FSTL5: variants seen among roughly 807,000 people sequenced by gnomAD.
The protein encoded by FSTL5 is follistatin like 5.
Under a neutral mutation model 89.1 loss-of-function variants are expected in FSTL5, and 62 were observed. That is an observed-to-expected ratio of 0.70 (90% CI 0.57 to 0.86). FSTL5 has a LOEUF of 0.86. Among genes scored for constraint, FSTL5 ranks in the 40% least tolerant of loss-of-function variants. FSTL5 has a pLI of 0.00. For missense variants in FSTL5, 1,057 were observed against 1,001.6 expected (o/e 1.06, Z -0.75); for synonymous variants, 383 against 346.2 (o/e 1.11, Z -1.18).
intron 1 of FSTL5, among the ~76,000 whole-genome samples, chr4:162,145,692 A>C (rs1030639808): frequency 2.0e-5 from 3 of 152,146 alleles, no homozygotes; most frequent in African/African-American, 7.2e-5. Flanking sequence ...TACTGAACAA[A>C]CAAGTCACAT....
intron 3 of FSTL5, among the ~76,000 whole-genome samples, chr4:162,020,990 A>C (rs1260005730): frequency 6.6e-6 from 1 of 152,130 alleles, no homozygotes; most frequent in Non-Finnish European, 1.5e-5. Context: ...TCTTTAAATC[A>C]AATAGCAATT....
At chr4:161,762,397 T>C (rs1740839693) in intron 5 of FSTL5, among the ~76,000 whole-genome samples, 1 of 152,222 alleles carries the variant, frequency 6.6e-6, no homozygotes, top group African/African-American at 2.4e-5. Context: ...GCTCTGATAG[T>C]TCCTTGCACT....
At chr4:161,596,888 T>C (rs995368542) in intron 7 of FSTL5, among the ~76,000 whole-genome samples, 4 of 152,174 alleles carry the variant, frequency 2.6e-5, no homozygotes, top group Non-Finnish European at 5.9e-5. Flanking sequence ...TTTGTTTTTT[T>C]CTTGTAAATT....
chr4:161,921,331 T>C (rs568961408), intron 3 of FSTL5, among the ~76,000 whole-genome samples: 3 of 152,276 alleles, frequency 2.0e-5, no homozygotes, highest in Admixed American at 6.5e-5. Flanking sequence ...ATTTTCTTGT[T>C]ACTTATTTAG....
chr4:161,791,368 A>G (rs1446083807), intron 4 of FSTL5, among the ~76,000 whole-genome samples: 1 of 151,482 alleles, frequency 6.6e-6, no homozygotes, highest in Non-Finnish European at 1.5e-5. Flanking sequence ...ATTTGAGACA[A>G]TTAGTAATTT....
chr4:161,652,952 C>A (rs1296503847), intron 7 of FSTL5, among the ~76,000 whole-genome samples: 2 of 152,076 alleles, frequency 1.3e-5, no homozygotes, highest in African/African-American at 4.8e-5. Context: ...AGGGTATATA[C>A]ACTGACTCAC....
At chr4:162,123,093 A>G (rs929426832) in intron 1 of FSTL5, among the ~76,000 whole-genome samples, 1 of 152,184 alleles carries the variant, frequency 6.6e-6, no homozygotes, top group East Asian at 1.9e-4. Context: ...AATTTTGTCA[A>G]TGTCAGACAG....
chr4:161,462,637 T>C (rs191017024), intron 13 of FSTL5, among the ~76,000 whole-genome samples: 1 of 152,190 alleles, frequency 6.6e-6, no homozygotes, highest in African/African-American at 2.4e-5. Context: ...AGGGTTATTG[T>C]GAGTATTAGG....
intron 6 of FSTL5, among the ~76,000 whole-genome samples, chr4:161,720,016 C>T (rs1410195094): frequency 6.6e-6 from 1 of 151,920 alleles, no homozygotes; most frequent in African/African-American, 2.4e-5. Context: ...GGCTATTACA[C>T]CAAAACCATA....
intron 6 of FSTL5, among the ~76,000 whole-genome samples, chr4:161,695,517 C>T (rs1281330939): frequency 1.3e-5 from 2 of 150,320 alleles, no homozygotes; most frequent in East Asian, 2.0e-4. Flanking sequence ...ATCCACTTGT[C>T]GATTGATGGG....
intron 12 of FSTL5, among the ~76,000 whole-genome samples, chr4:161,482,259 T>C (rs1313642470): frequency 6.6e-6 from 1 of 151,978 alleles, no homozygotes; most frequent in Non-Finnish European, 1.5e-5. Flanking sequence ...GATCTTGCAG[T>C]GAGCCAAGAT....
intron 6 of FSTL5, among the ~76,000 whole-genome samples, chr4:161,695,477 TATC>T (rs919967841): frequency 3.3e-5 from 3 of 92,080 alleles, no homozygotes; most frequent in Admixed American, 1.2e-4. Flanking sequence ...TATAGACATA[TATC>T]ATATATATAT....
intron 3 of FSTL5, among the ~76,000 whole-genome samples, chr4:161,967,861 A>G (rs936886603): frequency 6.6e-6 from 1 of 152,076 alleles, no homozygotes; most frequent in Non-Finnish European, 1.5e-5. Flanking sequence ...TATCATAATT[A>G]AAGAAATGTC....
At chr4:161,610,760 C>A (rs1462373952) in intron 7 of FSTL5, among the ~76,000 whole-genome samples, 2 of 140,772 alleles carry the variant, frequency 1.4e-5, no homozygotes, top group Non-Finnish European at 3.1e-5. Flanking sequence ...TGTTAACATA[C>A]TTAAATAGAT....
chr4:161,952,131 A>G (rs1010676945), intron 3 of FSTL5, among the ~76,000 whole-genome samples: 2 of 152,088 alleles, frequency 1.3e-5, no homozygotes, highest in South Asian at 4.1e-4. Context: ...TAAGGGTTAT[A>G]AGAAGTCAAA....
At chr4:161,552,749 A>C (rs1732258800) in intron 8 of FSTL5, among the ~76,000 whole-genome samples, 1 of 151,776 alleles carries the variant, frequency 6.6e-6, no homozygotes, top group Admixed American at 6.6e-5. Context: ...TAACTCACAT[A>C]GAATTGAAGG....
In FSTL5 at chr4:162,124,424, C is replaced by T. The variant is rs544788000; in HGVS notation, c.-16-13012G>A. Among the ~76,000 whole-genome samples the T allele has an allele frequency of 4.6e-5, 7 of 152,262 alleles. No individual in the cohort carries two copies. The East Asian group carries it at 1.4e-3, about 30-fold the overall frequency. ...CAACTTTCTTTCTCCATTCTCTCCT[C>T]TTCTCTAGGTAATGAATATAAAATT... On this transcript the variant is annotated intron_variant, in intron 1 of 15. Transcript: ENST00000306100.
At chr4:161,971,001 T>C (rs917126495) in intron 3 of FSTL5, among the ~76,000 whole-genome samples, 3 of 151,986 alleles carry the variant, frequency 2.0e-5, no homozygotes, top group African/African-American at 2.4e-5. Flanking sequence ...GGGCTCATCA[T>C]TAAGGAATTA....
At chr4:161,719,972 A>C (rs979416748) in intron 6 of FSTL5, among the ~76,000 whole-genome samples, 1 of 152,150 alleles carries the variant, frequency 6.6e-6, no homozygotes, top group Admixed American at 6.5e-5. Flanking sequence ...CATAGGAAAA[A>C]ACCTTATTGA....
Sources: allele counts gnomAD v4.1 joint callset (sites outside exome capture counted in the v4.1 genomes callset), GRCh38; gene constraint gnomAD v4.1.1; transcripts MANE v1.5; gene names NCBI Gene and HGNC (gene_info 2026-07-23, HGNC 2026-07-21).